DSCAML1: variants seen among roughly 807,000 people sequenced by gnomAD.
DSCAML1 encodes DS cell adhesion molecule like 1, also known as cell adhesion molecule DSCAML1.
In DSCAML1, 38 loss-of-function variants were observed where a neutral mutation model predicts 200.5. The observed-to-expected ratio is 0.19, with a 90% CI of 0.15 to 0.25. DSCAML1 has a LOEUF of 0.25. Ranked by LOEUF, DSCAML1 falls within the 10% of genes least tolerant of loss-of-function variation. The pLI, the probability that DSCAML1 is intolerant of heterozygous loss-of-function variation, is 1.00. For missense variants in DSCAML1, 2,223 were observed against 2,858.8 expected (o/e 0.78, Z 5.07); for synonymous variants, 1,215 against 1,165.0 (o/e 1.04, Z -0.87).
At chr11:117,730,029 T>C (rs1014611490) in intron 3 of DSCAML1, among the ~76,000 whole-genome samples, 1 of 152,166 alleles carries the variant, frequency 6.6e-6, no homozygotes, top group African/African-American at 2.4e-5. Context: ...TGAAACTCTA[T>C]CTCTACTAAA....
chr11:117,495,804 C>G (rs574162306), intron 11 of DSCAML1, among the ~76,000 whole-genome samples: 51 of 152,324 alleles, frequency 3.3e-4, no homozygotes, highest in African/African-American at 1.2e-3. Flanking sequence ...CTGTCCCATT[C>G]ATCAAAGCCT....
rs137945169 is a variant in DSCAML1 at position 117,434,494 on chromosome 11, C to T, written c.4877-1023G>A. Among the ~76,000 whole-genome samples, 93 of 152,266 alleles carry T rather than the reference C, an allele frequency of 6.1e-4. 1 individual carries two copies. Among genetic ancestry groups the T allele is most frequent in the African/African-American group, 2.1e-3 (88 of 41,556 alleles). On this transcript the variant is annotated intron_variant, in intron 27 of 32. Coordinates refer to ENST00000651296, the MANE Select transcript of DSCAML1 (RefSeq NM_020693.4). ...GCCATCCATCCATCTTGTCATCCAT[C>T]GATCTATCAGAATAGTCATCCATCC...
chr11:117,450,533 C>T lies in DSCAML1; in HGVS notation c.3708+16G>A, dbSNP rs781719547. ...TTCTTCCATCCCCTTCATCATCTGG[C>T]CCTGAACTCACTTACCGGCTGGCCA... On this transcript the variant is annotated intron_variant, in intron 20 of 32. Coordinates refer to ENST00000651296, the MANE Select transcript of DSCAML1 (RefSeq NM_020693.4). 1.2e-5 allele frequency: 19 copies of T among 1,612,942 alleles called. No individual in the cohort carries two copies. Among genetic ancestry groups the T allele is most frequent in the Non-Finnish European group, 1.4e-5 (17 of 1,179,626 alleles).
chr11:117,729,633 A>G (rs1000854750), intron 3 of DSCAML1, among the ~76,000 whole-genome samples: 1 of 152,248 alleles, frequency 6.6e-6, no homozygotes, highest in Non-Finnish European at 1.5e-5. Context: ...AAGAAAATAT[A>G]TGAATGGCCA....
chr11:117,536,607 T>C (rs1247969332), intron 3 of DSCAML1, among the ~76,000 whole-genome samples: 1 of 152,240 alleles, frequency 6.6e-6, no homozygotes, highest in Non-Finnish European at 1.5e-5. Flanking sequence ...CAAAGAACTG[T>C]TCCACCCCAA....
intron 11 of DSCAML1, among the ~76,000 whole-genome samples, chr11:117,486,568 G>C (rs929648515): frequency 2.0e-5 from 3 of 152,238 alleles, no homozygotes; most frequent in African/African-American, 7.2e-5. Flanking sequence ...TCCTTCCATG[G>C]GAATACTGCC....
At chr11:117,785,958 C>T (rs189991587) in intron 1 of DSCAML1, among the ~76,000 whole-genome samples, 101 of 152,250 alleles carry the variant, frequency 6.6e-4, no homozygotes, top group African/African-American at 2.1e-3. Context: ...GAGCTTTTTC[C>T]ATCATGTTGT....
intron 3 of DSCAML1, among the ~76,000 whole-genome samples, chr11:117,721,191 C>T (rs1429363535): frequency 6.6e-6 from 1 of 152,210 alleles, no homozygotes; most frequent in Non-Finnish European, 1.5e-5. Context: ...CTGCACCAAG[C>T]ACTATGCTAA....
At chr11:117,431,120 C>G (rs2047782035) in intron 31 of DSCAML1, 87 bp from the exon 32 acceptor site, 1 of 1,348,750 alleles carries the variant, frequency 7.4e-7, no homozygotes, top group East Asian at 2.3e-5. Flanking sequence ...GTAACCCCAG[C>G]AGCCATCTGT....
At chr11:117,525,484 T>C (rs1490375967) in intron 4 of DSCAML1, among the ~76,000 whole-genome samples, 1 of 145,344 alleles carries the variant, frequency 6.9e-6, no homozygotes, top group Non-Finnish European at 1.5e-5. Flanking sequence ...TGAAATGGAG[T>C]CTCAATCACT....
At chr11:117,722,535 G>A (rs1243564717) in intron 3 of DSCAML1, among the ~76,000 whole-genome samples, 1 of 152,144 alleles carries the variant, frequency 6.6e-6, no homozygotes, top group Non-Finnish European at 1.5e-5. Context: ...GATTCTGAAT[G>A]TTCCCAACAC....
In DSCAML1 at chr11:117,797,180, GC is replaced by G. The variant is rs1156419274; in HGVS notation, c.-102del. 12 of 1,569,822 alleles carry G rather than the reference GC, an allele frequency of 7.6e-6. No homozygotes were observed. Among genetic ancestry groups the G allele is most frequent in the Non-Finnish European group, 1.0e-5 (12 of 1,159,900 alleles). ...GCGCTCCCAGCCGCCCGCACTCGGC[GC>G]CCCGCTCTCTCTGCTCCTCAGCCCA... is the stretch of plus-strand genomic sequence containing the variant. On this transcript the variant is annotated 5_prime_UTR_variant, in exon 1 of 33. Transcript: ENST00000651296.
At chr11:117,634,177 C>T (rs1467701542) in intron 3 of DSCAML1, among the ~76,000 whole-genome samples, 2 of 152,156 alleles carry the variant, frequency 1.3e-5, no homozygotes, top group Non-Finnish European at 2.9e-5. Context: ...AGGGATGATT[C>T]AGTTCCCTCA....
At chr11:117,497,073 G>A (rs993368593) in intron 11 of DSCAML1, among the ~76,000 whole-genome samples, 1 of 152,180 alleles carries the variant, frequency 6.6e-6, no homozygotes, top group African/African-American at 2.4e-5. Context: ...GAATGCTGGG[G>A]CCTGGAACTG....
intron 3 of DSCAML1, among the ~76,000 whole-genome samples, chr11:117,646,709 C>T (rs537592): frequency 0.69 from 104,814 of 151,922 alleles, 36,423 homozygotes; most frequent in Admixed American, 0.77. Context: ...AATTACACCA[C>T]GGAAATCAGT....
intron 3 of DSCAML1, among the ~76,000 whole-genome samples, chr11:117,767,543 T>C (rs1487785208): frequency 6.6e-6 from 1 of 152,186 alleles, no homozygotes; most frequent in Non-Finnish European, 1.5e-5. Context: ...TTCTCCACAC[T>C]TCAAGGAAGA....
intron 19 of DSCAML1, among the ~76,000 whole-genome samples, chr11:117,452,902 C>A (rs542885494): frequency 2.6e-5 from 4 of 152,224 alleles, no homozygotes; most frequent in African/African-American, 7.2e-5. Flanking sequence ...CCTGTCCCAA[C>A]CTTGCCATTG....
chr11:117,655,028 T>G (rs1591367469), intron 3 of DSCAML1, among the ~76,000 whole-genome samples: 1 of 152,266 alleles, frequency 6.6e-6, no homozygotes, highest in African/African-American at 2.4e-5. Context: ...TTGTGGCAGC[T>G]GCCAGCACAT....
rs1354716302 is a variant in DSCAML1, at chr11:117,428,152, A to T, written c.*176T>A. 1 of 541,046 alleles carries T rather than the reference A, an allele frequency of 1.8e-6. No homozygotes were observed. The allele number at this position is 541,046 out of a possible 1,614,324, so 33.5% of individuals were successfully genotyped here. Reference sequence around the variant, plus strand: ...CTGGCTTCATGGAGAAGAAGAAAATAGTTTCATTTGTACAAAAGAGTTCTA... The same window carrying T: ...CTGGCTTCATGGAGAAGAAGAAAATTGTTTCATTTGTACAAAAGAGTTCTA... On this transcript the variant is annotated 3_prime_UTR_variant, in exon 33 of 33. Coordinates refer to ENST00000651296, the MANE Select transcript of DSCAML1 (RefSeq NM_020693.4).
Sources: gnomAD v4.1 joint callset for allele counts (sites outside exome capture counted in the v4.1 genomes callset) on GRCh38, gnomAD v4.1.1 for gene constraint, MANE v1.5 for transcripts, NCBI Gene and HGNC (gene_info 2026-07-23, HGNC 2026-07-21) for gene names.